The following TXNL1 variants were observed in gnomAD, a reference collection of about 807,000 sequenced individuals.
TXNL1 encodes the protein thioredoxin-like protein 1.
Under a neutral mutation model 35.5 loss-of-function variants are expected in TXNL1, and 14 were observed. The ratio of observed to expected loss-of-function variants is 0.39; its 90% confidence interval spans 0.26 to 0.62. The LOEUF (loss-of-function observed/expected upper bound fraction) is 0.62. Among genes scored for constraint, TXNL1 ranks in the 20% least tolerant of loss-of-function variants. The pLI is 0.47. For synonymous variants in TXNL1, 110 were observed against 115.5 expected (o/e 0.95, Z 0.31); for missense variants, 263 against 349.7 (o/e 0.75, Z 1.98).
At chr18:56,637,398 CG>C (rs1189216444) in intron 1 of TXNL1, among the ~76,000 whole-genome samples, 1 of 152,138 alleles carries the variant, frequency 6.6e-6, no homozygotes, top group African/African-American at 2.4e-5. Flanking sequence ...GAAAATAAAG[CG>C]GAAACCTCTC....
intron 3 of TXNL1, among the ~76,000 whole-genome samples, chr18:56,620,209 A>G (rs1049328545): frequency 7.2e-5 from 11 of 151,936 alleles, no homozygotes; most frequent in African/African-American, 2.7e-4. Flanking sequence ...CAAGTGATCT[A>G]CCCACCTCAG....
chr18:56,631,259 T>C (rs1168264550), intron 1 of TXNL1, among the ~76,000 whole-genome samples: 2 of 152,200 alleles, frequency 1.3e-5, no homozygotes, highest in Non-Finnish European at 2.9e-5. Context: ...GCTGAGATCA[T>C]GAACAAGTCA....
Position 56,600,314 on chromosome 18 carries a change from A to G in TXNL1, c.*2713T>C, listed in dbSNP as rs1200243223. 1.3e-5 allele frequency: 2 copies of G among 152,228 alleles called. No homozygotes were observed. Among genetic ancestry groups the G allele is most frequent in the African/African-American group, 2.4e-5 (1 of 41,440 alleles). The allele number at this position is 152,228 out of a possible 1,614,324, so 9.4% of individuals were successfully genotyped here. ...AGTGGCTGCCTCCAACAGAATATTGAGACTGGGGAACAATGTGGGGCAGGT... is the reference window on the plus strand; with the variant it reads ...AGTGGCTGCCTCCAACAGAATATTGGGACTGGGGAACAATGTGGGGCAGGT... On this transcript the variant is annotated 3_prime_UTR_variant, in exon 8 of 8. Coordinates refer to ENST00000217515, the MANE Select transcript of TXNL1 (RefSeq NM_004786.3).
rs779029399 is a variant in TXNL1 at position 56,597,616 on chromosome 18, T to G, written c.*5411A>C. ...CCTTCCAGGTTCCTCTTTTCCCAAT[T>G]CTTTAATATTTCTTAGGATTCCCTA... On this transcript the variant is annotated 3_prime_UTR_variant, in exon 8 of 8. Coordinates refer to ENST00000217515, the MANE Select transcript of TXNL1 (RefSeq NM_004786.3). 1.3e-5 allele frequency: 2 copies of G among 152,200 alleles called. No homozygotes were observed. Among genetic ancestry groups the G allele is most frequent in the Non-Finnish European group, 2.9e-5 (2 of 68,034 alleles). The allele number at this position is 152,200 out of a possible 1,614,324, so 9.4% of individuals were successfully genotyped here. A position where few individuals can be genotyped will look rare whatever the true frequency, so the allele number is the denominator to read the frequency against.
At chr18:56,616,787 AG>A (rs2024094975) in intron 4 of TXNL1, among the ~76,000 whole-genome samples, 1 of 152,180 alleles carries the variant, frequency 6.6e-6, no homozygotes, top group Admixed American at 6.5e-5. Context: ...TCAAGAGAAT[AG>A]GGTTCTTATA....
chr18:56,620,286 T>C (rs1437566516), intron 3 of TXNL1, among the ~76,000 whole-genome samples: 6 of 152,226 alleles, frequency 3.9e-5, no homozygotes, highest in Non-Finnish European at 7.3e-5. Flanking sequence ...TTATTGAATT[T>C]TGTTTACTAA....
At chr18:56,620,020 G>A (rs184444375) in intron 3 of TXNL1, among the ~76,000 whole-genome samples, 2 of 152,238 alleles carry the variant, frequency 1.3e-5, no homozygotes, top group African/African-American at 4.8e-5. Flanking sequence ...CCAGGCTGGA[G>A]TACAGTGGTG....
chr18:56,627,248 G>T (rs918988235), intron 1 of TXNL1, among the ~76,000 whole-genome samples: 5 of 152,142 alleles, frequency 3.3e-5, no homozygotes, highest in Admixed American at 2.0e-4. Context: ...CTCACTGAGA[G>T]AAATTAAAGA....
Position 56,606,376 on chromosome 18 carries a change from CA to C in TXNL1, c.841-3321del, listed in dbSNP as rs202112300. 2.9e-3 allele frequency among the ~76,000 whole-genome samples: 427 copies of C among 149,488 alleles called. 6 individuals carry two copies. The East Asian group carries it at 0.037, about 13-fold the overall frequency. ...TGGACAACAGAGCAAGACTCCGTCT[CA>C]AAAAAAAAGAAAAAAATTTCAATTC... On this transcript the variant is annotated intron_variant, in intron 7 of 7. Transcript: ENST00000217515.
At chr18:56,621,803 C>A (rs1402964566) in intron 3 of TXNL1, among the ~76,000 whole-genome samples, 1 of 151,730 alleles carries the variant, frequency 6.6e-6, no homozygotes, top group Non-Finnish European at 1.5e-5. Flanking sequence ...AGTTTGAGAC[C>A]AGCCTGGCCA....
chr18:56,626,587 T>C, intron 1 of TXNL1, 130 bp from the exon 2 acceptor site: 1 of 889,208 alleles, frequency 1.1e-6, no homozygotes, highest in East Asian at 2.7e-5. Flanking sequence ...TTGTTTTGTT[T>C]TGTTTTTTGC....
chr18:56,633,926 G>A (rs1167751267), intron 1 of TXNL1, among the ~76,000 whole-genome samples: 1 of 133,560 alleles, frequency 7.5e-6, no homozygotes, highest in Admixed American at 8.9e-5. Context: ...AGAGGTTGCA[G>A]TGAGCTGAGA....
chr18:56,616,131 CAAAAAAAA>C (rs778338602), intron 5 of TXNL1, 106 bp downstream of exon 5: 2 of 690,302 alleles, frequency 2.9e-6, no homozygotes, highest in African/African-American at 5.3e-5. Flanking sequence ...GACTCTGTCT[CAAAAAAAA>C]AAAAAAAGAA....
At chr18:56,623,929 T>C (rs1198068664) in intron 3 of TXNL1, among the ~76,000 whole-genome samples, 1 of 151,912 alleles carries the variant, frequency 6.6e-6, no homozygotes, top group Non-Finnish European at 1.5e-5. Context: ...TTTACATAAC[T>C]GTCAAAAAGT....
At chr18:56,631,656 C>T (rs774347657) in intron 1 of TXNL1, among the ~76,000 whole-genome samples, 4 of 152,256 alleles carry the variant, frequency 2.6e-5, no homozygotes, top group Non-Finnish European at 4.4e-5. Flanking sequence ...CAGTGGCTCA[C>T]GCCTGTAATC....
chr18:56,637,845 A>G (rs2024480672), intron 1 of TXNL1, among the ~76,000 whole-genome samples: 1 of 152,266 alleles, frequency 6.6e-6, no homozygotes, highest in South Asian at 2.1e-4. Context: ...GCAGAAATTC[A>G]GGACTCAGAG....
At position 56,624,475 on chromosome 18, in the gene TXNL1, G is replaced by A. The variant is rs1175104192; in HGVS notation, c.196-14C>T. 6.2e-7 allele frequency: 1 copy of A among 1,606,300 alleles called. No individual in the cohort carries two copies. The highest frequency in any genetic ancestry group is 1.1e-5 in the South Asian group (1 of 90,338). ...GGCAGCTGTTCCCTAGAATTGGCAAGTTGGACAGTGTTATGAATTAAATCT... is the reference window on the plus strand; with the variant it reads ...GGCAGCTGTTCCCTAGAATTGGCAAATTGGACAGTGTTATGAATTAAATCT... On this transcript the variant is annotated splice_polypyrimidine_tract_variant and intron_variant, in intron 2 of 7. Transcript: ENST00000217515.
chr18:56,611,734 C>A (rs1387599252), intron 6 of TXNL1, among the ~76,000 whole-genome samples: 3 of 151,722 alleles, frequency 2.0e-5, no homozygotes, highest in African/African-American at 7.3e-5. Flanking sequence ...CACTCTGTTG[C>A]CCAGGCTGGA....
intron 6 of TXNL1, among the ~76,000 whole-genome samples, chr18:56,614,005 A>AT (rs2024040289): frequency 6.6e-6 from 1 of 152,174 alleles, no homozygotes; most frequent in African/African-American, 2.4e-5. Flanking sequence ...CATCTCAAAA[A>AT]AAAATAAATA....
Sources: allele counts gnomAD v4.1 joint callset (sites outside exome capture counted in the v4.1 genomes callset), GRCh38; gene constraint gnomAD v4.1.1; transcripts MANE v1.5; gene names NCBI Gene and HGNC (gene_info 2026-07-23, HGNC 2026-07-21).